The following BPIFC variants were observed in gnomAD, a reference collection of about 807,000 sequenced individuals.
The protein encoded by BPIFC is BPI fold-containing family C protein.
A neutral mutation model predicts 57.6 loss-of-function variants in BPIFC; 60 were observed. That is an observed-to-expected ratio of 1.04 (90% CI 0.85 to 1.29). The LOEUF (loss-of-function observed/expected upper bound fraction) is 1.29. Among genes scored for constraint, BPIFC ranks in the 50% most tolerant of loss-of-function variants. The pLI is 0.00. For missense variants in BPIFC, 581 were observed against 600.5 expected (o/e 0.97, Z 0.34); for synonymous variants, 243 against 224.5 (o/e 1.08, Z -0.74).
rs1569448230 is a variant in BPIFC at position 32,424,741 on chromosome 22, CTCTTCTTCTTCCTCTTCT to C, written c.1218-5355_1218-5338del. 4.5e-4 allele frequency among the ~76,000 whole-genome samples: 20 copies of C among 44,350 alleles called. 2 individuals carry two copies. Among genetic ancestry groups the C allele is most frequent in the East Asian group, 1.6e-3 (4 of 2,542 alleles). The allele number at this position is 44,350 out of a possible 152,430, so 29.1% of individuals were successfully genotyped here. A position where few individuals can be genotyped will look rare whatever the true frequency, so the allele number is the denominator to read the frequency against. On this transcript the variant is annotated intron_variant, in intron 13 of 16. Transcript: ENST00000300399. Reference sequence around the variant, plus strand: ...CCTCTTCTTCTTCCTCTTCTTCTTCCTCTTCTTCTTCCTCTTCTTCTTCTTCTTCTTCTTCTTCTTCTT... The same window carrying C: ...CCTCTTCTTCTTCCTCTTCTTCTTCCTCTTCTTCTTCTTCTTCTTCTTCTT...
intron 9 of BPIFC, 104 bp from the exon 10 acceptor site, chr22:32,435,984 C>T: frequency 1.5e-6 from 2 of 1,349,044 alleles, no homozygotes; most frequent in Non-Finnish European, 1.0e-6. Flanking sequence ...ATTCCAGAAG[C>T]TCGGGCCAGG....
intron 5 of BPIFC, chr22:32,446,787 A>G (rs897958170): frequency 2.5e-5 from 25 of 985,334 alleles, no homozygotes; most frequent in Non-Finnish European, 3.0e-5. Context: ...AGTTGGGCTC[A>G]GGCTTAAGCT....
At chr22:32,461,251 T>C (rs1012680064) in intron 2 of BPIFC, among the ~76,000 whole-genome samples, 1 of 152,132 alleles carries the variant, frequency 6.6e-6, no homozygotes, top group South Asian at 2.1e-4. Flanking sequence ...CAGCATGATA[T>C]TTCAGCCCTA....
At chr22:32,436,898 T>C (rs1934419924) in intron 9 of BPIFC, among the ~76,000 whole-genome samples, 1 of 149,802 alleles carries the variant, frequency 6.7e-6, no homozygotes, top group African/African-American at 2.4e-5. Context: ...TGAACTGAGT[T>C]GAAAGACTCT....
chr22:32,433,493 C>T (rs16990449), intron 11 of BPIFC, among the ~76,000 whole-genome samples: 4,906 of 152,184 alleles, frequency 0.032, 159 homozygotes, highest in East Asian at 0.14. Context: ...GTGGAAGGCA[C>T]GGTGATTTAT....
chr22:32,416,294 G>A (rs1933675063), intron 15 of BPIFC, among the ~76,000 whole-genome samples: 4 of 152,080 alleles, frequency 2.6e-5, no homozygotes, highest in Admixed American at 1.3e-4. Flanking sequence ...TGTTGGCCAG[G>A]CGTGTCTCGA....
chr22:32,429,622 T>G (rs936504451), intron 13 of BPIFC, among the ~76,000 whole-genome samples: 1 of 146,758 alleles, frequency 6.8e-6, no homozygotes, highest in Non-Finnish European at 1.5e-5. Context: ...CTTCAAGCAA[T>G]TCTTCTGTCT....
intron 14 of BPIFC, among the ~76,000 whole-genome samples, chr22:32,418,641 C>G (rs978840921): frequency 6.6e-6 from 1 of 152,100 alleles, no homozygotes; most frequent in Non-Finnish European, 1.5e-5. Flanking sequence ...AGAACAGTTC[C>G]GGGCTCAATA....
chr22:32,416,987 T>C (rs1933696934), intron 15 of BPIFC, 98 bp downstream of exon 15: 2 of 1,088,414 alleles, frequency 1.8e-6, no homozygotes, highest in African/African-American at 3.1e-5. Flanking sequence ...AAGTACAAGC[T>C]TCAGGGTGGA....
chr22:32,423,571 G>GGGGTGTGTGTGT (rs1556036041), intron 13 of BPIFC, among the ~76,000 whole-genome samples: 1 of 96,132 alleles, frequency 1.0e-5, no homozygotes, highest in Admixed American at 1.1e-4. Context: ...GGAGTTGTAG[G>GGGGTGTGTGTGT]GTGTGGGTGT....
At chr22:32,462,112 G>C (rs1054129181) in intron 1 of BPIFC, among the ~76,000 whole-genome samples, 1 of 133,190 alleles carries the variant, frequency 7.5e-6, no homozygotes, top group African/African-American at 2.8e-5. Context: ...AGAGGTTGCA[G>C]TGAGCCAAGA....
At chr22:32,428,782 C>T (rs1279868502) in intron 13 of BPIFC, among the ~76,000 whole-genome samples, 1 of 151,950 alleles carries the variant, frequency 6.6e-6, no homozygotes, top group Non-Finnish European at 1.5e-5. Context: ...GCCTGTAATC[C>T]CAGCTACTTG....
chr22:32,446,079 A>T, intron 5 of BPIFC, 83 bp from the exon 6 acceptor site: 1 of 1,517,232 alleles, frequency 6.6e-7, no homozygotes, highest in Non-Finnish European at 8.9e-7. Flanking sequence ...AGAGACTCTA[A>T]GCTCCTGGAC....
At chr22:32,451,499 C>T (rs571560328) in intron 4 of BPIFC, among the ~76,000 whole-genome samples, 40 of 152,192 alleles carry the variant, frequency 2.6e-4, no homozygotes, top group Non-Finnish European at 4.9e-4. Flanking sequence ...ACATTGAGAA[C>T]ACTTGGACAC....
intron 13 of BPIFC, among the ~76,000 whole-genome samples, chr22:32,426,163 G>A (rs1037581214): frequency 1.2e-4 from 19 of 152,330 alleles, no homozygotes; most frequent in South Asian, 1.0e-3. Context: ...GATAGTTAGA[G>A]AGGCCATGTT....
In BPIFC at chr22:32,414,375, C is replaced by T; in HGVS notation, c.1452G>A (p.Gln484=). 6.2e-7 allele frequency: 1 copy of T among 1,614,034 alleles called. No homozygotes were observed. The highest frequency in any genetic ancestry group is 2.2e-5 in the East Asian group (1 of 44,890). The stretch of plus-strand genomic sequence containing the variant: ...CTTCCCATACGTGGAAACTTGGCTG[C>T]TGCTTTGAGGATGTTTCATACTTCA... ...TDLKYETSSK[Q]QPSFHVWEGL... Residue 484 remains glutamine, a synonymous_variant, in exon 17 of 17, where the codon CAG becomes CAA. Transcript: ENST00000300399.
chr22:32,414,570 G>T, intron 16 of BPIFC, 145 bp from the exon 17 acceptor site: 1 of 1,043,980 alleles, frequency 9.6e-7, no homozygotes, highest in Non-Finnish European at 1.3e-6. Context: ...CTGGAGTGTG[G>T]TGGTGCGATC....
chr22:32,452,066 A>G (rs1934908760), intron 4 of BPIFC, among the ~76,000 whole-genome samples: 1 of 151,620 alleles, frequency 6.6e-6, no homozygotes, highest in Admixed American at 6.6e-5. Context: ...ATGCCCAGCT[A>G]ATTTTTTGTA....
intron 10 of BPIFC, 66 bp downstream of exon 10, chr22:32,435,638 C>T: frequency 1.3e-6 from 2 of 1,512,182 alleles, no homozygotes; most frequent in South Asian, 1.3e-5. Context: ...AAAAGTTCTA[C>T]AATAGGATAC....
Sources: gnomAD v4.1 joint callset for allele counts (sites outside exome capture counted in the v4.1 genomes callset) on GRCh38, gnomAD v4.1.1 for gene constraint, MANE v1.5 for transcripts, NCBI Gene and HGNC (gene_info 2026-07-23, HGNC 2026-07-21) for gene names.